GNAT3: variants seen among roughly 807,000 people sequenced by gnomAD.
The protein encoded by GNAT3 is G protein subunit alpha transducin 3, also known as guanine nucleotide-binding protein G(t) subunit alpha-3.
Under a neutral mutation model 37.7 loss-of-function variants are expected in GNAT3, and 31 were observed. The ratio of observed to expected loss-of-function variants is 0.82; its 90% CI spans 0.62 to 1.11. GNAT3 has a LOEUF of 1.11. GNAT3 is among the 50% of genes most tolerant of loss of function. The pLI, the probability that GNAT3 is intolerant of heterozygous loss-of-function variation, is 0.00. For synonymous variants in GNAT3, 138 were observed against 139.8 expected (o/e 0.99, Z 0.09); for missense variants, 437 against 412.5 (o/e 1.06, Z -0.51).
intron 2 of GNAT3, among the ~76,000 whole-genome samples, chr7:80,490,225 A>G (rs1047867471): frequency 6.6e-6 from 1 of 152,172 alleles, no homozygotes; most frequent in African/African-American, 2.4e-5. Flanking sequence ...TAGATGATTA[A>G]TTAAAATTAA....
chr7:80,500,330 C>T (rs577174969), intron 1 of GNAT3, among the ~76,000 whole-genome samples: 5 of 151,756 alleles, frequency 3.3e-5, no homozygotes, highest in Admixed American at 6.6e-5. Flanking sequence ...CCACGTGTAT[C>T]TAATTGATTT....
chr7:80,490,972 C>T (rs970717587), intron 2 of GNAT3, among the ~76,000 whole-genome samples: 1 of 152,088 alleles, frequency 6.6e-6, no homozygotes, highest in African/African-American at 2.4e-5. Context: ...AACTGGGCTC[C>T]AGTGTCTTGT....
chr7:80,474,832 C>T (rs1790278607), intron 4 of GNAT3, among the ~76,000 whole-genome samples: 1 of 152,082 alleles, frequency 6.6e-6, no homozygotes, highest in African/African-American at 2.4e-5. Context: ...GTGGTAGTGG[C>T]TAGATTATCC....
chr7:80,467,973 ATTTTG>A (rs1391706684), intron 5 of GNAT3, among the ~76,000 whole-genome samples: 1 of 151,638 alleles, frequency 6.6e-6, no homozygotes, highest in Non-Finnish European at 1.5e-5. Flanking sequence ...GATAATATGT[ATTTTG>A]TTATTAAGTC....
chr7:80,502,495 T>C (rs1790851884), intron 1 of GNAT3, among the ~76,000 whole-genome samples: 1 of 152,142 alleles, frequency 6.6e-6, no homozygotes. Context: ...TCATGTATAC[T>C]ATTTTTTAGT....
intron 1 of GNAT3, among the ~76,000 whole-genome samples, chr7:80,508,052 A>G (rs1229712633): frequency 1.3e-5 from 2 of 151,938 alleles, no homozygotes; most frequent in Non-Finnish European, 2.9e-5. Flanking sequence ...AAAAATAAAA[A>G]TAAAGGGTTT....
intron 5 of GNAT3, among the ~76,000 whole-genome samples, chr7:80,467,709 G>T (rs945297978): frequency 6.6e-6 from 1 of 151,958 alleles, no homozygotes; most frequent in East Asian, 1.9e-4. Context: ...AAAACAAAAA[G>T]CTTTATTGTG....
intron 5 of GNAT3, among the ~76,000 whole-genome samples, chr7:80,466,945 T>G (rs1790137731): frequency 6.6e-6 from 1 of 152,190 alleles, no homozygotes; most frequent in East Asian, 1.9e-4. Context: ...ATTGGAATTG[T>G]GTGCTCTCCC....
At chr7:80,501,819 A>G (rs979745784) in intron 1 of GNAT3, among the ~76,000 whole-genome samples, 2 of 151,914 alleles carry the variant, frequency 1.3e-5, no homozygotes, top group Non-Finnish European at 2.9e-5. Context: ...CATATCAGTA[A>G]ACATATGGTG....
At chr7:80,508,740 G>T (rs1172547119) in intron 1 of GNAT3, among the ~76,000 whole-genome samples, 1 of 152,002 alleles carries the variant, frequency 6.6e-6, no homozygotes, top group Admixed American at 6.6e-5. Flanking sequence ...TCCTTTAATT[G>T]TAAAGTCGCA....
At chr7:80,461,951 T>C (rs1294674061) in intron 7 of GNAT3, among the ~76,000 whole-genome samples, 1 of 152,176 alleles carries the variant, frequency 6.6e-6, no homozygotes, top group Non-Finnish European at 1.5e-5. Context: ...CCCTTCCAGT[T>C]TATTTTATTA....
intron 3 of GNAT3, chr7:80,487,632 CCT>C (rs1235617704): frequency 6.6e-6 from 1 of 152,086 alleles, no homozygotes; most frequent in Non-Finnish European, 1.5e-5. Flanking sequence ...TCAAATGACT[CCT>C]CTTTCTTTAT....
chr7:80,482,471 CTTTTTCT>C (rs1156258925), intron 3 of GNAT3, among the ~76,000 whole-genome samples: 5 of 151,648 alleles, frequency 3.3e-5, no homozygotes, highest in South Asian at 4.2e-4. Flanking sequence ...TTCTTATTTT[CTTTTTCT>C]TTTTTCTTTC....
Position 80,462,202 on chromosome 7 carries a change from C to T in GNAT3, c.831G>A (p.Lys277=). Residue 277 remains lysine, a synonymous_variant, in exon 7 of 8, where the codon AAG becomes AAA. Transcript: ENST00000398291. The part of the protein sequence containing the change: ...FLNKKDIFQE[K]VTKVHLSICF... ...AGATACTAAGATGCACCTTGGTTAC[C>T]TTTTCTTGAAAGATATCTTTTTTGT... is the stretch of plus-strand genomic sequence containing the variant. The T allele has an allele frequency of 8.1e-6, 13 of 1,597,266 alleles. No homozygotes were observed. Among genetic ancestry groups the T allele is most frequent in the Non-Finnish European group, 1.1e-5 (13 of 1,170,668 alleles).
chr7:80,485,227 T>A (rs1432358503), intron 3 of GNAT3, among the ~76,000 whole-genome samples: 1 of 151,976 alleles, frequency 6.6e-6, no homozygotes, highest in Non-Finnish European at 1.5e-5. Flanking sequence ...CCTTCCCTTC[T>A]TAATCTAAGT....
chr7:80,494,610 T>G lies in GNAT3; in HGVS notation c.156A>C (p.Gln52His), dbSNP rs1419251582. The stretch of plus-strand genomic sequence containing the variant: ...TGAGACAGATGTATACCTACTTCAT[T>G]TGTTTAACAATAGTACTTTTCCCAG... ...GESGKSTIVK[Q>H]MKIIHKNGYS... The change falls in exon 2 of 8, where the codon CAA (glutamine) becomes CAC (histidine). Residue 52 changes from glutamine to histidine, a missense_variant. Transcript: ENST00000398291. 1 of 1,518,284 alleles carries G rather than the reference T, an allele frequency of 6.6e-7. No individual in the cohort carries two copies. Among genetic ancestry groups the G allele is most frequent in the East Asian group, 2.3e-5 (1 of 42,898 alleles). 94.1% of individuals were successfully genotyped at this position (1,518,284 alleles called of 1,614,324 possible).
chr7:80,490,158 A>G (rs1434513663), intron 2 of GNAT3, among the ~76,000 whole-genome samples: 1 of 152,182 alleles, frequency 6.6e-6, no homozygotes, highest in Non-Finnish European at 1.5e-5. Context: ...TACATTATAC[A>G]AGTCTCTCCT....
intron 7 of GNAT3, among the ~76,000 whole-genome samples, chr7:80,461,759 G>A (rs933227433): frequency 6.6e-6 from 1 of 152,024 alleles, no homozygotes; most frequent in South Asian, 2.1e-4. Flanking sequence ...TATATCTCTA[G>A]AAACAACTCA....
chr7:80,497,543 CACATATACGTATAT>C (rs1239893205), intron 1 of GNAT3, among the ~76,000 whole-genome samples: 299 of 106,014 alleles, frequency 2.8e-3, no homozygotes, highest in Middle Eastern at 5.0e-3. Flanking sequence ...TATATATATA[CACATATACGTATAT>C]ACATATACGT....
Sources: allele counts gnomAD v4.1 joint callset (sites outside exome capture counted in the v4.1 genomes callset), GRCh38; gene constraint gnomAD v4.1.1; transcripts MANE v1.5; gene names NCBI Gene and HGNC (gene_info 2026-07-23, HGNC 2026-07-21).